The following CSMD1 variants were observed in gnomAD, a reference collection of about 807,000 sequenced individuals.
CSMD1 encodes the protein CUB and Sushi multiple domains 1.
In CSMD1, 213 loss-of-function variants were observed where a neutral mutation model predicts 417.5. The observed-to-expected ratio is 0.51, with a 90% CI of 0.46 to 0.57. The LOEUF (loss-of-function observed/expected upper bound fraction) is 0.57. Among genes scored for constraint, CSMD1 ranks in the 20% least tolerant of loss-of-function variants. CSMD1 has a pLI of 0.00. For synonymous variants in CSMD1, 2,862 were observed against 1,736.8 expected, an observed-to-expected ratio of 1.65 and a Z score of -16.11; for missense variants, 6,923 against 4,529.7, an observed-to-expected ratio of 1.53 and a Z score of -15.17.
intron 3 of CSMD1, among the ~76,000 whole-genome samples, chr8:4,170,638 T>C (rs1461455144): frequency 1.3e-5 from 2 of 151,906 alleles, no homozygotes; most frequent in Non-Finnish European, 2.9e-5. Context: ...ACATTTGTTT[T>C]ATTACATTCA....
At chr8:3,602,184 T>G (rs1394861452) in intron 8 of CSMD1, among the ~76,000 whole-genome samples, 3 of 152,178 alleles carry the variant, frequency 2.0e-5, no homozygotes, top group Non-Finnish European at 4.4e-5. Context: ...AACATTCTCT[T>G]TAAAAATCTT....
rs1184340786 is a variant in CSMD1 at position 4,647,739 on chromosome 8, T to C, written c.86-10181A>G. Among the ~76,000 whole-genome samples, 9 of 152,232 alleles carry C rather than the reference T, an allele frequency of 5.9e-5. No individual in the cohort carries two copies. The East Asian group carries it at 1.7e-3, about 29-fold the overall frequency. ...TTCATCCATGTCCCTGCAAAGGACA[T>C]GATCTCATTCCTTTCTTATGGCTGC... On this transcript the variant is annotated intron_variant, in intron 1 of 69. Transcript: ENST00000635120.
intron 1 of CSMD1, among the ~76,000 whole-genome samples, chr8:4,735,770 G>T (rs562897493): frequency 1.3e-5 from 2 of 152,206 alleles, no homozygotes; most frequent in South Asian, 2.1e-4. Flanking sequence ...GTTGTCAGCC[G>T]AGGATTTGAA....
chr8:3,654,627 C>T (rs920211511), intron 7 of CSMD1, among the ~76,000 whole-genome samples: 2 of 152,172 alleles, frequency 1.3e-5, no homozygotes, highest in Non-Finnish European at 2.9e-5. Context: ...GCAGGGCAGC[C>T]TTTGATTTGC....
intron 5 of CSMD1, among the ~76,000 whole-genome samples, chr8:3,808,045 C>A (rs776764302): frequency 1.3e-5 from 2 of 152,096 alleles, no homozygotes; most frequent in Non-Finnish European, 2.9e-5. Context: ...ATTGCCTTTT[C>A]TACAGAAGTT....
chr8:4,894,267 C>G (rs1036403841), intron 1 of CSMD1, among the ~76,000 whole-genome samples: 6 of 151,878 alleles, frequency 4.0e-5, no homozygotes, highest in African/African-American at 1.5e-4. Flanking sequence ...CCTATCAAGT[C>G]TTTTGTTTTG....
intron 2 of CSMD1, among the ~76,000 whole-genome samples, chr8:4,501,355 T>G (rs1802250440): frequency 6.6e-6 from 1 of 152,198 alleles, no homozygotes; most frequent in Non-Finnish European, 1.5e-5. Context: ...TTTAAGGTAT[T>G]CTTTTTATTT....
At chr8:3,972,376 T>C (rs1485508050) in intron 5 of CSMD1, among the ~76,000 whole-genome samples, 1 of 152,230 alleles carries the variant, frequency 6.6e-6, no homozygotes, top group Non-Finnish European at 1.5e-5. Flanking sequence ...AAGCTCTTTT[T>C]TCTTTATACA....
chr8:4,267,330 G>A (rs1210136107), intron 3 of CSMD1, among the ~76,000 whole-genome samples: 1 of 102,940 alleles, frequency 9.7e-6, no homozygotes, highest in African/African-American at 2.6e-5. Context: ...TTATAAAATA[G>A]CAATTAGGAT....
intron 26 of CSMD1, among the ~76,000 whole-genome samples, chr8:3,238,031 G>C (rs185977335): frequency 3.3e-5 from 5 of 151,854 alleles, no homozygotes; most frequent in South Asian, 4.2e-4. Flanking sequence ...AACAGGCTTT[G>C]TGTGAGCAAT....
chr8:4,276,803 T>C (rs1796514170), intron 3 of CSMD1, among the ~76,000 whole-genome samples: 1 of 152,164 alleles, frequency 6.6e-6, no homozygotes, highest in Non-Finnish European at 1.5e-5. Flanking sequence ...AACAGTGGTT[T>C]TCCCTGAGAA....
chr8:3,981,606 A>G (rs1813876715), intron 5 of CSMD1, among the ~76,000 whole-genome samples: 3 of 151,288 alleles, frequency 2.0e-5, no homozygotes, highest in South Asian at 2.1e-4. Flanking sequence ...AAATTGTATC[A>G]ATTAGAGCAG....
intron 3 of CSMD1, among the ~76,000 whole-genome samples, chr8:4,292,085 A>G (rs1797401224): frequency 6.6e-6 from 1 of 152,126 alleles, no homozygotes; most frequent in Admixed American, 6.5e-5. Context: ...CACCAAGGAG[A>G]TATACCAGGG....
chr8:4,746,134 T>C (rs1275362565), intron 1 of CSMD1, among the ~76,000 whole-genome samples: 2 of 152,212 alleles, frequency 1.3e-5, no homozygotes, highest in Admixed American at 1.3e-4. Context: ...TTAAGCCCTC[T>C]TTGGGCCCTG....
At chr8:3,585,284 A>C (rs924153962) in intron 9 of CSMD1, among the ~76,000 whole-genome samples, 1 of 152,216 alleles carries the variant, frequency 6.6e-6, no homozygotes, top group Non-Finnish European at 1.5e-5. Context: ...AAATGCTTAA[A>C]AGTTTAAAAT....
chr8:4,411,596 A>G (rs144572914), intron 3 of CSMD1, among the ~76,000 whole-genome samples: 109 of 152,320 alleles, frequency 7.2e-4, no homozygotes, highest in African/African-American at 2.4e-3. Flanking sequence ...TAACAGTTAT[A>G]CGGAGAAAAA....
intron 3 of CSMD1, among the ~76,000 whole-genome samples, chr8:4,194,584 G>T (rs371210862): frequency 6.6e-6 from 1 of 151,924 alleles, no homozygotes; most frequent in African/African-American, 2.4e-5. Context: ...ATTTTCTTTT[G>T]TTTCCCCTTT....
chr8:4,575,202 T>C (rs1188524681), intron 2 of CSMD1, among the ~76,000 whole-genome samples: 1 of 152,230 alleles, frequency 6.6e-6, no homozygotes, highest in Admixed American at 6.5e-5. Context: ...TCTTCCAAGG[T>C]TACTATAATT....
At chr8:3,676,524 G>T (rs548425541) in intron 7 of CSMD1, among the ~76,000 whole-genome samples, 2 of 152,124 alleles carry the variant, frequency 1.3e-5, no homozygotes, top group East Asian at 1.9e-4. Context: ...GAAGCATATA[G>T]ATCTTAAATA....
Sources: allele counts gnomAD v4.1 joint callset (sites outside exome capture counted in the v4.1 genomes callset), GRCh38; gene constraint gnomAD v4.1.1; transcripts MANE v1.5; gene names NCBI Gene and HGNC (gene_info 2026-07-23, HGNC 2026-07-21).